Variants in NCOR1 observed in about 807,000 individuals in gnomAD.
NCOR1 encodes protein phosphatase 1, regulatory subunit 109.
In NCOR1, 63 loss-of-function variants were observed where a neutral mutation model predicts 288.1. The observed-to-expected ratio is 0.22, with a 90% CI of 0.18 to 0.27. The LOEUF is 0.27. NCOR1 is among the 10% of genes least tolerant of loss of function. The pLI, the probability that NCOR1 is intolerant of heterozygous loss-of-function variation, is 1.00. For missense variants in NCOR1, 2,397 were observed against 3,019.2 expected (o/e 0.79, Z 4.83); for synonymous variants, 1,007 against 1,065.9 (o/e 0.94, Z 1.08).
intron 19 of NCOR1, among the ~76,000 whole-genome samples, chr17:16,105,744 CAAACAAAG>C (rs1409254370): frequency 6.6e-6 from 1 of 151,780 alleles, no homozygotes; most frequent in Non-Finnish European, 1.5e-5. Context: ...AACAAACAAA[CAAACAAAG>C]ACAGACAAGC....
chr17:16,170,673 A>G (rs2082968139), intron 4 of NCOR1, among the ~76,000 whole-genome samples: 1 of 151,970 alleles, frequency 6.6e-6, no homozygotes, highest in African/African-American at 2.4e-5. Context: ...TGTCTCTACT[A>G]AAAATACAAA....
intron 40 of NCOR1, among the ~76,000 whole-genome samples, chr17:16,056,684 GT>G (rs2059966944): frequency 1.3e-5 from 2 of 151,974 alleles, no homozygotes; most frequent in Non-Finnish European, 2.9e-5. Flanking sequence ...CTAATATTTA[GT>G]CTACCACTTT....
intron 15 of NCOR1, among the ~76,000 whole-genome samples, chr17:16,122,920 G>A (rs1306226415): frequency 1.3e-5 from 2 of 152,088 alleles, no homozygotes; most frequent in African/African-American, 2.4e-5. Flanking sequence ...CCACTGTGCT[G>A]GGTTCCTCTC....
chr17:16,188,639 A>G (rs2087331362), intron 2 of NCOR1, among the ~76,000 whole-genome samples: 1 of 152,046 alleles, frequency 6.6e-6, no homozygotes, highest in African/African-American at 2.4e-5. Context: ...TTTCAAAGGC[A>G]CCAAAACAAA....
intron 21 of NCOR1, among the ~76,000 whole-genome samples, chr17:16,094,634 G>A (rs1260593016): frequency 6.6e-6 from 1 of 151,794 alleles, no homozygotes; most frequent in African/African-American, 2.4e-5. Context: ...GGACTGTGCC[G>A]CTGCCATCTC....
chr17:16,144,644 CTA>C (rs1040855012), intron 10 of NCOR1, among the ~76,000 whole-genome samples: 4 of 152,214 alleles, frequency 2.6e-5, no homozygotes, highest in African/African-American at 7.2e-5. Context: ...GTTGTTCCCC[CTA>C]TGTGTCCACA....
intron 40 of NCOR1, among the ~76,000 whole-genome samples, chr17:16,056,401 G>A (rs1460961419): frequency 3.7e-5 from 5 of 136,778 alleles, no homozygotes; most frequent in African/African-American, 8.3e-5. Context: ...TGATTCTTCC[G>A]CCCAGGTTCA....
rs1402530654 is a variant in NCOR1, at chr17:16,120,403, C to A, written c.1852+649G>T. Among the ~76,000 whole-genome samples the A allele has an allele frequency of 5.3e-5, 8 of 152,268 alleles. No homozygotes were observed. In the East Asian group the frequency reaches 1.5e-3, roughly 29 times the overall value. On this transcript the variant is annotated intron_variant, in intron 16 of 45. Coordinates refer to ENST00000268712, the MANE Select transcript of NCOR1 (RefSeq NM_006311.4). ...CCCATCATGACCTGCCCCAACCTAT[C>A]TTTCCTCCTCCTATCTAGTTAGTGC...
chr17:16,195,344 G>A (rs1361000872), intron 1 of NCOR1, among the ~76,000 whole-genome samples: 5 of 151,960 alleles, frequency 3.3e-5, no homozygotes, highest in Admixed American at 6.6e-5. Context: ...GGTGACATGC[G>A]TCTGTAATCC....
At chr17:16,192,125 G>A (rs1280831551) in intron 2 of NCOR1, 1 of 149,644 alleles carries the variant, frequency 6.7e-6, no homozygotes, top group African/African-American at 2.5e-5. Flanking sequence ...CTCCAGCCTA[G>A]GCAACATAGC....
chr17:16,203,040 T>TAC (rs57228948), intron 1 of NCOR1, among the ~76,000 whole-genome samples: 7,488 of 146,980 alleles, frequency 0.051, 227 homozygotes, highest in African/African-American at 0.089. Context: ...AGCTGTTCCT[T>TAC]ACACACACAC....
intron 2 of NCOR1, among the ~76,000 whole-genome samples, chr17:16,193,083 G>A (rs995764495): frequency 9.9e-5 from 15 of 152,092 alleles, no homozygotes; most frequent in Admixed American, 2.6e-4. Flanking sequence ...GCCAAAGAAC[G>A]TCCTAGAGTG....
intron 1 of NCOR1, 78 bp from the exon 2 acceptor site, chr17:16,194,717 T>C: frequency 4.4e-6 from 2 of 459,440 alleles, no homozygotes; most frequent in Non-Finnish European, 7.8e-6. Flanking sequence ...TAACTATAGC[T>C]ACATAAATAA....
chr17:16,166,508 G>A lies in NCOR1; in HGVS notation c.436-1347C>T, dbSNP rs565813261. Among the ~76,000 whole-genome samples, 32 of 151,994 alleles carry A rather than the reference G, an allele frequency of 2.1e-4. No homozygotes were observed. In the South Asian group the frequency reaches 6.2e-3, roughly 30 times the overall value. Reference sequence around the variant, plus strand: ...AGCCTAACCAACATGGTGAAACCCCGTCTCTACTAAAAAATACAAAAATTA... The same window carrying A: ...AGCCTAACCAACATGGTGAAACCCCATCTCTACTAAAAAATACAAAAATTA... On this transcript the variant is annotated intron_variant, in intron 4 of 45. Coordinates refer to ENST00000268712, the MANE Select transcript of NCOR1 (RefSeq NM_006311.4).
chr17:16,215,380 G>A lies in NCOR1; in HGVS notation c.-89C>T, dbSNP rs2092466148. 2 of 395,054 alleles carry A rather than the reference G, an allele frequency of 5.1e-6. No homozygotes were observed. The highest frequency in any genetic ancestry group is 7.2e-5 in the East Asian group (2 of 27,880). 24.5% of individuals were successfully genotyped at this position (395,054 alleles called of 1,614,324 possible). A position where few individuals can be genotyped will look rare whatever the true frequency, so the allele number is the denominator to read the frequency against. On this transcript the variant is annotated 5_prime_UTR_variant, in exon 1 of 46. Coordinates refer to ENST00000268712, the MANE Select transcript of NCOR1 (RefSeq NM_006311.4). ...TACTCACCGGGAGCTGGCTAAGCGT[G>A]GGAGCCGACGTGCGCCCCGGCCTGA...
chr17:16,161,901 A>C (rs1190292884), intron 5 of NCOR1, among the ~76,000 whole-genome samples: 2 of 152,118 alleles, frequency 1.3e-5, no homozygotes, highest in African/African-American at 4.8e-5. Flanking sequence ...CAATATATTC[A>C]TTATCTCAAT....
Position 16,032,256 on chromosome 17 carries a change from G to A in NCOR1, c.*40C>T. Reference sequence around the variant, plus strand: ...TAAAAATTAAACCACAAAAACTAGAGATCCCTCTCCTGCACCCTGTTCCCC... The same window carrying A: ...TAAAAATTAAACCACAAAAACTAGAAATCCCTCTCCTGCACCCTGTTCCCC... On this transcript the variant is annotated 3_prime_UTR_variant, in exon 46 of 46. Coordinates refer to ENST00000268712, the MANE Select transcript of NCOR1 (RefSeq NM_006311.4). 1.3e-6 allele frequency: 2 copies of A among 1,524,260 alleles called. No individual in the cohort carries two copies. 94.4% of individuals were successfully genotyped at this position (1,524,260 alleles called of 1,614,324 possible).
At chr17:16,132,463 G>A (rs2075789315) in intron 14 of NCOR1, among the ~76,000 whole-genome samples, 2 of 152,098 alleles carry the variant, frequency 1.3e-5, no homozygotes, top group African/African-American at 4.8e-5. Context: ...ATTCAACAGT[G>A]GTTTTTGGCT....
chr17:16,205,596 G>C (rs1200446505), intron 1 of NCOR1, among the ~76,000 whole-genome samples: 1 of 151,188 alleles, frequency 6.6e-6, no homozygotes, highest in African/African-American at 2.4e-5. Context: ...ACTCCAGCCT[G>C]GGCAACAAGA....
Sources: allele counts gnomAD v4.1 joint callset (sites outside exome capture counted in the v4.1 genomes callset), GRCh38; gene constraint gnomAD v4.1.1; transcripts MANE v1.5; gene names NCBI Gene and HGNC (gene_info 2026-07-23, HGNC 2026-07-21).